Variants in ATP8A2 observed in about 807,000 individuals in gnomAD.
ATP8A2 encodes phospholipid-transporting ATPase IB.
ATP8A2 carries 100 observed loss-of-function variants against 165.6 expected under a neutral mutation model. The ratio of observed to expected loss-of-function variants is 0.60; its 90% CI spans 0.51 to 0.71. ATP8A2 has a LOEUF of 0.71. ATP8A2 is among the 30% of genes least tolerant of loss of function. ATP8A2 has a pLI of 0.00. For missense variants in ATP8A2, 1,227 were observed against 1,479.5 expected (o/e 0.83, Z 2.80); for synonymous variants, 543 against 548.8 (o/e 0.99, Z 0.15).
intron 35 of ATP8A2, among the ~76,000 whole-genome samples, chr13:25,983,579 G>C (rs1956214409): frequency 6.6e-6 from 1 of 152,192 alleles, no homozygotes. Flanking sequence ...ACCTTGGTGA[G>C]TTTTCTCCCT....
intron 27 of ATP8A2, among the ~76,000 whole-genome samples, chr13:25,797,520 A>G (rs969663016): frequency 6.6e-6 from 1 of 152,178 alleles, no homozygotes; most frequent in Non-Finnish European, 1.5e-5. Context: ...AGAAACAAAT[A>G]AAACTTTACA....
At chr13:25,786,122 T>G (rs145580267) in intron 27 of ATP8A2, among the ~76,000 whole-genome samples, 362 of 152,326 alleles carry the variant, frequency 2.4e-3, no homozygotes, top group African/African-American at 8.0e-3. Context: ...CCTTTTACCT[T>G]TAGTTGAAAT....
chr13:25,711,601 A>AGGT (rs1165030964), intron 25 of ATP8A2, among the ~76,000 whole-genome samples: 33 of 152,242 alleles, frequency 2.2e-4, no homozygotes, highest in African/African-American at 7.7e-4. Flanking sequence ...AGAAGGCAAC[A>AGGT]CTATGGAGGT....
At chr13:25,829,710 ATATATATAT>A (rs1410735279) in intron 28 of ATP8A2, among the ~76,000 whole-genome samples, 3 of 85,864 alleles carry the variant, frequency 3.5e-5, no homozygotes, top group Non-Finnish European at 7.2e-5. Context: ...ATATATATAT[ATATATATAT>A]ATCACCTGCT....
intron 33 of ATP8A2, among the ~76,000 whole-genome samples, chr13:25,888,518 T>C (rs1593508316): frequency 6.6e-6 from 1 of 152,334 alleles, no homozygotes; most frequent in Admixed American, 6.5e-5. Context: ...GAATATACAA[T>C]GTGCTCAAAT....
chr13:26,024,223 C>T lies in ATP8A2; in HGVS notation c.*4238C>T, dbSNP rs552832764. 11 of 152,190 alleles carry T rather than the reference C, an allele frequency of 7.2e-5. No individual in the cohort carries two copies. Among genetic ancestry groups the T allele is most frequent in the South Asian group, 2.1e-4 (1 of 4,816 alleles). 9.4% of individuals were successfully genotyped at this position (152,190 alleles called of 1,614,324 possible). ...TATTAGAAGGGTTTTTGAGGGGTTT[C>T]GGAGGTGAGGGCCCAAGACCCCCAT... On this transcript the variant is annotated 3_prime_UTR_variant, in exon 37 of 37. Coordinates refer to ENST00000381655, the MANE Select transcript of ATP8A2 (RefSeq NM_016529.6).
In ATP8A2 at chr13:25,553,861, A is replaced by G. The variant is rs1301661410; in HGVS notation, c.1126A>G (p.Ile376Val). 1 of 1,613,282 alleles carries G rather than the reference A, an allele frequency of 6.2e-7. No individual in the cohort carries two copies. The highest frequency in any genetic ancestry group is 1.1e-5 in the South Asian group (1 of 91,046). ...FIILYNNLIP[I>V]SLLVTLEVVK... The stretch of plus-strand genomic sequence containing the variant: ...CATCTTATACAACAATCTTATTCCC[A>G]TCAGTCTGTTGGTGACTCTTGAGGT... Residue 376 changes from isoleucine (I) to valine (V), a missense_variant, in exon 12 of 37, where the codon ATC becomes GTC. Ile to Val is a conservative substitution (Grantham distance 29, BLOSUM62 3). This residue lies in a region of ATP8A2 where 592 missense variants were observed against 785.6 expected (regional missense o/e 0.75). Transcript: ENST00000381655.
At chr13:25,959,072 G>T (rs984017282) in intron 33 of ATP8A2, among the ~76,000 whole-genome samples, 2 of 152,136 alleles carry the variant, frequency 1.3e-5, no homozygotes, top group African/African-American at 4.8e-5. Flanking sequence ...TCTTCCAGGG[G>T]CCAAGCACCA....
chr13:25,537,984 C>G lies in ATP8A2; in HGVS notation c.508-4C>G. On this transcript the variant is annotated splice_region_variant and splice_polypyrimidine_tract_variant and intron_variant, in intron 6 of 36. Coordinates refer to ENST00000381655, the MANE Select transcript of ATP8A2 (RefSeq NM_016529.6). ...CCCCTCTGTCCTCATCCCTGTCTCT[C>G]TAGGTGGCAGTGGGAGACATTGTGA... The G allele has an allele frequency of 1.2e-5, 20 of 1,611,434 alleles. No individual in the cohort carries two copies. Among genetic ancestry groups the G allele is most frequent in the Non-Finnish European group, 1.7e-5 (20 of 1,177,702 alleles).
At chr13:25,537,502 G>A (rs1031061746) in intron 6 of ATP8A2, among the ~76,000 whole-genome samples, 3 of 152,120 alleles carry the variant, frequency 2.0e-5, no homozygotes, top group Non-Finnish European at 4.4e-5. Flanking sequence ...TATGAAATAT[G>A]TGCCTTTATC....
intron 23 of ATP8A2, among the ~76,000 whole-genome samples, chr13:25,589,400 C>A (rs1163679467): frequency 6.6e-6 from 1 of 152,196 alleles, no homozygotes; most frequent in Non-Finnish European, 1.5e-5. Flanking sequence ...AAAGAAAAAT[C>A]CACTAAAAAT....
intron 1 of ATP8A2, among the ~76,000 whole-genome samples, chr13:25,436,226 T>A (rs1418672298): frequency 6.6e-6 from 1 of 152,084 alleles, no homozygotes; most frequent in Admixed American, 6.6e-5. Context: ...ACCCAGACAG[T>A]GAGCACAGCA....
intron 1 of ATP8A2, among the ~76,000 whole-genome samples, chr13:25,433,504 G>A (rs1045732978): frequency 3.9e-5 from 6 of 152,076 alleles, no homozygotes; most frequent in African/African-American, 1.2e-4. Flanking sequence ...GAACTTCTGG[G>A]CTCAAGCAAT....
intron 33 of ATP8A2, among the ~76,000 whole-genome samples, chr13:25,888,823 C>G (rs1046822461): frequency 6.6e-6 from 1 of 152,152 alleles, no homozygotes; most frequent in Non-Finnish European, 1.5e-5. Context: ...CGCACCATTG[C>G]GCTCCAGCCT....
intron 27 of ATP8A2, among the ~76,000 whole-genome samples, chr13:25,814,330 C>T (rs1950955081): frequency 6.6e-6 from 1 of 151,996 alleles, no homozygotes; most frequent in Non-Finnish European, 1.5e-5. Flanking sequence ...GTAGAGATTG[C>T]ATTGAGTCTG....
At position 25,902,136 on chromosome 13, in the gene ATP8A2, A is replaced by T. The variant is rs1953770541; in HGVS notation, c.3183+39728A>T. On this transcript the variant is annotated intron_variant, in intron 33 of 36. Transcript: ENST00000381655. ...AGGACAATGAAAAAGTTCACTGAGC[A>T]GGAAAGGAATGGAAGATTGCTCAAC... 2.0e-5 allele frequency among the ~76,000 whole-genome samples: 3 copies of T among 152,222 alleles called. No homozygotes were observed. In the South Asian group the frequency reaches 6.2e-4, roughly 31 times the overall value.
intron 2 of ATP8A2, among the ~76,000 whole-genome samples, chr13:25,514,521 G>C (rs1566207096): frequency 6.6e-6 from 1 of 152,202 alleles, no homozygotes; most frequent in African/African-American, 2.4e-5. Context: ...TATGAGGTTT[G>C]TGTGGGTGCC....
At chr13:25,513,003 G>C (rs1189840597) in intron 2 of ATP8A2, among the ~76,000 whole-genome samples, 9 of 134,878 alleles carry the variant, frequency 6.7e-5, no homozygotes, top group African/African-American at 2.4e-4. Context: ...CTGGCCGGGC[G>C]GGGGGCTGAC....
At chr13:25,579,755 C>G in intron 21 of ATP8A2, 53 bp from the exon 22 acceptor site, 1 of 1,602,398 alleles carries the variant, frequency 6.2e-7, no homozygotes, top group Non-Finnish European at 8.5e-7. Context: ...CAGGCTGTCC[C>G]CTAGGAGGTC....
Sources: allele counts gnomAD v4.1 joint callset (sites outside exome capture counted in the v4.1 genomes callset), GRCh38; gene constraint gnomAD v4.1.1; regional missense constraint gnomAD v4.1.1; transcripts MANE v1.5; gene names NCBI Gene and HGNC (gene_info 2026-07-23, HGNC 2026-07-21).